The following SPMAP2L variants were observed in gnomAD, a reference collection of about 807,000 sequenced individuals.
SPMAP2L encodes sperm microtubule associated protein 2 like.
At chr4:56,565,856 T>TA in the SPMAP2L span, among the ~76,000 whole-genome samples, 1 of 152,222 alleles carries the variant, frequency 6.6e-6, no homozygotes, top group Non-Finnish European at 1.5e-5. Flanking sequence ...GACCCTTTTT[T>TA]ATCATTGGTA....
the SPMAP2L span, among the ~76,000 whole-genome samples, chr4:56,601,627 T>G: frequency 6.6e-6 from 1 of 151,862 alleles, no homozygotes; most frequent in African/African-American, 2.4e-5. Flanking sequence ...CCAGGTGTGG[T>G]GGCATGTGCC....
At chr4:56,605,328 G>A in the SPMAP2L span, among the ~76,000 whole-genome samples, 1 of 152,134 alleles carries the variant, frequency 6.6e-6, no homozygotes, top group African/African-American at 2.4e-5. Context: ...ACAGATATGG[G>A]TTCTGCTCTC....
chr4:56,608,760 C>T, the SPMAP2L span, among the ~76,000 whole-genome samples: 1 of 152,166 alleles, frequency 6.6e-6, no homozygotes. Flanking sequence ...CACCAACATG[C>T]AACATCAACC....
chr4:56,539,656 A>G, the SPMAP2L span, among the ~76,000 whole-genome samples: 1 of 152,174 alleles, frequency 6.6e-6, no homozygotes, highest in South Asian at 2.1e-4. Flanking sequence ...TCCTGACCTC[A>G]AGTGATCTGC....
the SPMAP2L span, among the ~76,000 whole-genome samples, chr4:56,547,601 C>A: frequency 6.6e-6 from 1 of 152,170 alleles, no homozygotes; most frequent in East Asian, 1.9e-4. Flanking sequence ...GAAGGGAAAA[C>A]TAAATCCCTG....
At chr4:56,600,487 T>A in the SPMAP2L span, among the ~76,000 whole-genome samples, 3 of 151,734 alleles carry the variant, frequency 2.0e-5, no homozygotes, top group African/African-American at 7.3e-5. Context: ...ACAGACGGGG[T>A]TTCACCGTGT....
chr4:56,599,909 C>T, the SPMAP2L span, among the ~76,000 whole-genome samples: 2 of 152,022 alleles, frequency 1.3e-5, no homozygotes, highest in Non-Finnish European at 2.9e-5. Context: ...GAAAATAAAA[C>T]TCAACATCAC....
chr4:56,595,260 A>G, the SPMAP2L span: 5 of 1,612,410 alleles, frequency 3.1e-6, no homozygotes, highest in South Asian at 5.5e-5. Flanking sequence ...TGGACACGAG[A>G]CCCTTCAAAA....
At chr4:56,595,463 G>A in the SPMAP2L span, 21 of 1,602,384 alleles carry the variant, frequency 1.3e-5, no homozygotes, top group East Asian at 3.3e-4. Context: ...ATTGAGGAGG[G>A]CCGCATCGAC....
At chr4:56,607,136 T>C in the SPMAP2L span, among the ~76,000 whole-genome samples, 1 of 152,156 alleles carries the variant, frequency 6.6e-6, no homozygotes, top group East Asian at 1.9e-4. Context: ...ATGTTGAAAC[T>C]GAATCCTCAA....
chr4:56,609,050 C>CTTTTTTTTTTTTT, the SPMAP2L span, among the ~76,000 whole-genome samples: 1 of 115,618 alleles, frequency 8.6e-6, no homozygotes, highest in African/African-American at 3.1e-5. Flanking sequence ...TTCTTTCTTT[C>CTTTTTTTTTTTTT]TTTTTTTTTT....
At chr4:56,572,162 A>G in the SPMAP2L span, among the ~76,000 whole-genome samples, 1 of 152,210 alleles carries the variant, frequency 6.6e-6, no homozygotes, top group Non-Finnish European at 1.5e-5. Flanking sequence ...CAAGTATTAT[A>G]TACTGTTTAA....
the SPMAP2L span, among the ~76,000 whole-genome samples, chr4:56,610,966 G>A: frequency 3.5e-4 from 54 of 152,284 alleles, no homozygotes; most frequent in African/African-American, 1.1e-3. Flanking sequence ...CAGTGAAAAG[G>A]GAAAGGGAAC....
the SPMAP2L span, among the ~76,000 whole-genome samples, chr4:56,598,542 A>G: frequency 6.6e-6 from 1 of 152,110 alleles, no homozygotes; most frequent in African/African-American, 2.4e-5. Flanking sequence ...AATGTGATGT[A>G]TGAGTCTAGA....
the SPMAP2L span, among the ~76,000 whole-genome samples, chr4:56,559,870 A>C: frequency 6.6e-6 from 1 of 152,122 alleles, no homozygotes. Context: ...CCTGGCCTTT[A>C]TCAGGAGTTC....
chr4:56,596,448 A>G, the SPMAP2L span: 1 of 1,446,480 alleles, frequency 6.9e-7, no homozygotes, highest in Non-Finnish European at 9.0e-7. Context: ...CTTGAACTAA[A>G]TAGTGTTTAT....
At chr4:56,548,677 T>G in the SPMAP2L span, 1 of 610,600 alleles carries the variant, frequency 1.6e-6, no homozygotes, top group Non-Finnish European at 2.5e-6. Context: ...AGTTGGCCAT[T>G]TCCCCAAATA....
the SPMAP2L span, among the ~76,000 whole-genome samples, chr4:56,589,878 A>G: frequency 6.6e-6 from 1 of 152,082 alleles, no homozygotes; most frequent in Non-Finnish European, 1.5e-5. Context: ...GTATCCAGAA[A>G]CTTTGCCAAA....
At chr4:56,586,776 T>C in the SPMAP2L span, among the ~76,000 whole-genome samples, 1,038 of 152,300 alleles carry the variant, frequency 6.8e-3, 15 homozygotes, top group African/African-American at 0.023. Context: ...GGCTTGGCCT[T>C]AGAAGTCACA....
Sources: gnomAD v4.1 joint callset for allele counts (sites outside exome capture counted in the v4.1 genomes callset) on GRCh38, gnomAD v4.1.1 for gene constraint, MANE v1.5 for transcripts, NCBI Gene and HGNC (gene_info 2026-07-23, HGNC 2026-07-21) for gene names.